The following PCSK2 variants were observed in gnomAD, a reference collection of about 807,000 sequenced individuals.
PCSK2 encodes the protein neuroendocrine convertase 2.
A neutral mutation model predicts 69.7 loss-of-function variants in PCSK2; 14 were observed. That is an observed-to-expected ratio of 0.20 (90% CI 0.13 to 0.31). The LOEUF (loss-of-function observed/expected upper bound fraction) is 0.31. PCSK2 is among the 10% of genes least tolerant of loss of function. The pLI is 1.00. For synonymous variants in PCSK2, 307 were observed against 320.7 expected (o/e 0.96, Z 0.46); for missense variants, 544 against 842.5 (o/e 0.65, Z 4.39).
rs3076241 is a variant in PCSK2, at chr20:17,333,910, C to CATATATATAT, written c.283-24400_283-24391dup. Among the ~76,000 whole-genome samples the CATATATATAT allele has an allele frequency of 1.5e-3, 130 of 86,406 alleles. 11 individuals are homozygous for CATATATATAT. The East Asian group carries it at 0.024, about 16-fold the overall frequency. 56.7% of individuals were successfully genotyped at this position (86,406 alleles called of 152,430 possible). A position where few individuals can be genotyped will look rare whatever the true frequency, so the allele number is the denominator to read the frequency against. The stretch of plus-strand genomic sequence containing the variant: ...TACATTTCTTCCTTCTAAGTCACTG[C>CATATATATAT]ATATATATATATATATATATATATA... On this transcript the variant is annotated intron_variant, in intron 2 of 11. Transcript: ENST00000262545.
At chr20:17,332,519 G>A (rs2123154040) in intron 2 of PCSK2, among the ~76,000 whole-genome samples, 1 of 152,260 alleles carries the variant, frequency 6.6e-6, no homozygotes, top group African/African-American at 2.4e-5. Context: ...ACACCATCAA[G>A]CACAGCTTTC....
chr20:17,410,233 T>C (rs1448793849), intron 6 of PCSK2, among the ~76,000 whole-genome samples: 1 of 152,204 alleles, frequency 6.6e-6, no homozygotes, highest in Admixed American at 6.5e-5. Flanking sequence ...AGGGCTTCCT[T>C]GGTCAAACAG....
intron 10 of PCSK2, among the ~76,000 whole-genome samples, chr20:17,458,412 G>A (rs970840057): frequency 2.0e-5 from 3 of 152,192 alleles, no homozygotes; most frequent in African/African-American, 7.2e-5. Flanking sequence ...AGGCAAGGAA[G>A]CAGGACTGTC....
At chr20:17,350,071 C>T (rs546920313) in intron 2 of PCSK2, among the ~76,000 whole-genome samples, 116 of 151,276 alleles carry the variant, frequency 7.7e-4, no homozygotes, top group African/African-American at 2.7e-3. Context: ...ACATGGCATT[C>T]TCCTTGTTTC....
chr20:17,322,241 A>C (rs1989891436), intron 2 of PCSK2, among the ~76,000 whole-genome samples: 1 of 152,178 alleles, frequency 6.6e-6, no homozygotes, highest in Non-Finnish European at 1.5e-5. Context: ...AAGGCAGGGC[A>C]CTTGTTGGGA....
intron 10 of PCSK2, among the ~76,000 whole-genome samples, chr20:17,459,736 A>G (rs1600597233): frequency 6.6e-6 from 1 of 152,232 alleles, no homozygotes; most frequent in African/African-American, 2.4e-5. Context: ...CAAGCCTCAT[A>G]GAATACAAAT....
chr20:17,417,991 G>A (rs915166546), intron 6 of PCSK2, among the ~76,000 whole-genome samples: 4 of 152,138 alleles, frequency 2.6e-5, no homozygotes, highest in Non-Finnish European at 4.4e-5. Context: ...ACTTCAGTTT[G>A]GTATCATGAA....
At chr20:17,475,005 A>G (rs1263090476) in intron 11 of PCSK2, among the ~76,000 whole-genome samples, 1 of 152,042 alleles carries the variant, frequency 6.6e-6, no homozygotes, top group African/African-American at 2.4e-5. Flanking sequence ...GTTGCTCGGA[A>G]GCAGAGCCTG....
intron 2 of PCSK2, among the ~76,000 whole-genome samples, chr20:17,287,077 C>A (rs1427806240): frequency 6.6e-6 from 1 of 152,084 alleles, no homozygotes; most frequent in Non-Finnish European, 1.5e-5. Flanking sequence ...TCTCCTAAAA[C>A]CATAAGATAA....
intron 2 of PCSK2, among the ~76,000 whole-genome samples, chr20:17,307,982 T>C (rs533785868): frequency 1.3e-5 from 2 of 152,222 alleles, no homozygotes; most frequent in East Asian, 3.9e-4. Flanking sequence ...AGAGCAGGCA[T>C]CTTCCATGGC....
chr20:17,402,708 A>C (rs912321754), intron 5 of PCSK2, among the ~76,000 whole-genome samples: 4 of 149,782 alleles, frequency 2.7e-5, no homozygotes, highest in African/African-American at 4.9e-5. Flanking sequence ...TAATCCCAGC[A>C]CTTTGGGAGG....
chr20:17,310,799 G>T (rs1341541154), intron 2 of PCSK2, among the ~76,000 whole-genome samples: 1 of 151,428 alleles, frequency 6.6e-6, no homozygotes, highest in Non-Finnish European at 1.5e-5. Flanking sequence ...AGACCAGTCT[G>T]GCCAAGATGG....
chr20:17,384,664 C>T (rs547254995), intron 5 of PCSK2, among the ~76,000 whole-genome samples: 2 of 151,048 alleles, frequency 1.3e-5, no homozygotes, highest in African/African-American at 2.4e-5. Flanking sequence ...CTGAACACAG[C>T]GGCCCATCCC....
At chr20:17,380,689 A>G (rs1028769000) in intron 5 of PCSK2, among the ~76,000 whole-genome samples, 6 of 152,248 alleles carry the variant, frequency 3.9e-5, no homozygotes, top group Non-Finnish European at 7.3e-5. Flanking sequence ...AAGATTGCAC[A>G]GCTAGAATTC....
intron 5 of PCSK2, among the ~76,000 whole-genome samples, chr20:17,371,878 G>A (rs1447699870): frequency 2.6e-5 from 4 of 152,198 alleles, no homozygotes. Context: ...AGATGAGATG[G>A]CAGACAGTAA....
At chr20:17,321,263 T>G (rs1948178783) in intron 2 of PCSK2, among the ~76,000 whole-genome samples, 1 of 152,198 alleles carries the variant, frequency 6.6e-6, no homozygotes, top group South Asian at 2.1e-4. Context: ...AACTTCAGTT[T>G]CCTTATCTGT....
Position 17,305,685 on chromosome 20 carries a change from T to A in PCSK2, c.282+45341T>A, listed in dbSNP as rs530539489. Reference sequence around the variant, plus strand: ...CCTAATAAGTATGCTTTCAAGACAATAAAAAACATAAACACAGAAAAATGT... The same window carrying A: ...CCTAATAAGTATGCTTTCAAGACAAAAAAAAACATAAACACAGAAAAATGT... On this transcript the variant is annotated intron_variant, in intron 2 of 11. Coordinates refer to ENST00000262545, the MANE Select transcript of PCSK2 (RefSeq NM_002594.5). 4.6e-5 allele frequency among the ~76,000 whole-genome samples: 7 copies of A among 152,294 alleles called. No homozygotes were observed. In the South Asian group the frequency reaches 1.2e-3, roughly 27 times the overall value.
At chr20:17,303,472 T>TAA (rs1491233173) in intron 2 of PCSK2, among the ~76,000 whole-genome samples, 1,233 of 48,680 alleles carry the variant, frequency 0.025, 34 homozygotes, top group African/African-American at 0.08. Flanking sequence ...TAATATATAT[T>TAA]ATATATAATA....
intron 1 of PCSK2, among the ~76,000 whole-genome samples, chr20:17,251,962 A>G (rs771885254): frequency 2.0e-5 from 3 of 152,218 alleles, no homozygotes; most frequent in Non-Finnish European, 2.9e-5. Context: ...GCAAAGCACT[A>G]CACATGCTTC....
Sources: gnomAD v4.1 joint callset for allele counts (sites outside exome capture counted in the v4.1 genomes callset) on GRCh38, gnomAD v4.1.1 for gene constraint, MANE v1.5 for transcripts, NCBI Gene and HGNC (gene_info 2026-07-23, HGNC 2026-07-21) for gene names.